The following FBN3 variants were observed in gnomAD, a reference collection of about 807,000 sequenced individuals.
The protein encoded by FBN3 is fibrillin-3.
Under a neutral mutation model 330.1 loss-of-function variants are expected in FBN3, and 234 were observed. The observed-to-expected ratio is 0.71, with a 90% CI of 0.64 to 0.79. The LOEUF is 0.79. Ranked by LOEUF, FBN3 falls within the 30% of genes least tolerant of loss-of-function variation. The pLI is 0.00. For missense variants in FBN3, 3,606 were observed against 3,886.9 expected (o/e 0.93, Z 1.92); for synonymous variants, 1,458 against 1,517.3 (o/e 0.96, Z 0.91).
intron 63 of FBN3, among the ~76,000 whole-genome samples, chr19:8,071,070 A>G (rs1448473455): frequency 4.6e-5 from 7 of 151,626 alleles, no homozygotes; most frequent in African/African-American, 7.3e-5. Context: ...CAGGGTTGTC[A>G]TAAACATTGA....
At chr19:8,107,570 T>C (rs1291504364) in intron 37 of FBN3, among the ~76,000 whole-genome samples, 1 of 144,184 alleles carries the variant, frequency 6.9e-6, no homozygotes, top group Non-Finnish European at 1.5e-5. Flanking sequence ...GATGGATGGA[T>C]GGATGGATGG....
chr19:8,134,092 A>G (rs909827901), intron 13 of FBN3, among the ~76,000 whole-genome samples: 17 of 150,582 alleles, frequency 1.1e-4, no homozygotes, highest in South Asian at 2.1e-4. Flanking sequence ...GAAAAAAAAA[A>G]TCAGCCGGGC....
Position 8,081,130 on chromosome 19 carries a change from G to T in FBN3, c.7337-11C>A. The T allele has an allele frequency of 6.2e-7, 1 of 1,608,704 alleles. No individual in the cohort carries two copies. The highest frequency in any genetic ancestry group is 8.5e-7 in the Non-Finnish European group (1 of 1,175,604). ...TGCATTCGTCCAGGTCTGCAGCACGGATGGTCCAGCAGGCTCAGGGCAGGG... is the reference window on the plus strand; with the variant it reads ...TGCATTCGTCCAGGTCTGCAGCACGTATGGTCCAGCAGGCTCAGGGCAGGG... On this transcript the variant is annotated splice_polypyrimidine_tract_variant and intron_variant, in intron 58 of 63. Transcript: ENST00000600128.
chr19:8,081,273 T>C (rs1326894276), intron 58 of FBN3, 85 bp downstream of exon 58: 1 of 1,519,870 alleles, frequency 6.6e-7, no homozygotes, highest in Non-Finnish European at 8.9e-7. Context: ...GGGGGTGAGA[T>C]TGCAGGGGAC....
rs779827993 is a variant in FBN3, at chr19:8,075,352, T to C, written c.7513A>G (p.Thr2505Ala). Residue 2505 changes from threonine (T) to alanine (A), a missense_variant, in exon 60 of 64, where the codon ACC becomes GCC. By Grantham distance (58) the Thr-to-Ala change is moderately conservative (BLOSUM62 0). Transcript: ENST00000600128. Reference protein sequence around the residue: ...PCGAHGHCHNTPGSFRCECHQ... With the variant: ...PCGAHGHCHNAPGSFRCECHQ... ...CATTCACAGCGGAAGCTGCCCGGGGTGTTGTGGCAGTGCCCGTGGGCACCA... is the reference window on the plus strand; with the variant it reads ...CATTCACAGCGGAAGCTGCCCGGGGCGTTGTGGCAGTGCCCGTGGGCACCA... 9 of 1,613,926 alleles carry C rather than the reference T, an allele frequency of 5.6e-6. No homozygotes were observed. The East Asian group carries it at 1.8e-4, about 32-fold the overall frequency.
Position 8,096,759 on chromosome 19 carries a change from A to T in FBN3, c.5413+122T>A, listed in dbSNP as rs2082217966. 3 of 1,316,616 alleles carry T rather than the reference A, an allele frequency of 2.3e-6. No individual in the cohort carries two copies. Among genetic ancestry groups the T allele is most frequent in the East Asian group, 4.6e-5 (2 of 43,166 alleles). The allele number at this position is 1,316,616 out of a possible 1,614,324, so 81.6% of individuals were successfully genotyped here. A position where few individuals can be genotyped will look rare whatever the true frequency, so the allele number is the denominator to read the frequency against. On this transcript the variant is annotated intron_variant, in intron 43 of 63. Coordinates refer to ENST00000600128, the MANE Select transcript of FBN3 (RefSeq NM_032447.5). This position sits in a 1 kb window ranked among gnomAD's most constrained non-coding sequence, Gnocchi z 4.6. ...CATCCTATTAACAGACACTCTCAAT[A>T]CATCCCCCACCCCCCTAATAGTATA... is the stretch of plus-strand genomic sequence containing the variant.
Position 8,106,202 on chromosome 19 carries a change from C to G in FBN3, c.4719G>C (p.Leu1573=). Residue 1573 remains leucine, a synonymous_variant, in exon 38 of 64, where the codon CTG becomes CTC. Transcript: ENST00000600128. ...TGTTGACGCAGTCACCCCCCTGACA[C>G]AGCCCTGGCAGCTCTTGGCACTCGT... ...DIDECQELPG[L]CQGGDCVNTF... 1 of 1,614,214 alleles carries G rather than the reference C, an allele frequency of 6.2e-7. No individual in the cohort carries two copies. The highest frequency in any genetic ancestry group is 8.5e-7 in the Non-Finnish European group (1 of 1,180,026).
Position 8,081,468 on chromosome 19 carries a change from C to A in FBN3, c.7226G>T (p.Cys2409Phe). 6.2e-7 allele frequency: 1 copy of A among 1,606,326 alleles called. No homozygotes were observed. Among genetic ancestry groups the A allele is most frequent in the Non-Finnish European group, 8.5e-7 (1 of 1,176,794 alleles). Residue 2409 changes from cysteine to phenylalanine, a missense_variant, in exon 58 of 64, where the codon TGC (cysteine) becomes TTC (phenylalanine). By Grantham distance (205) the Cys-to-Phe change is radical. Transcript: ENST00000600128. ...GGTACATGGCTTGGGGACCTGGCTG[C>A]ACTCATCCATATCTGGGGAAGGACA... is the stretch of plus-strand genomic sequence containing the variant. ...TATTCLDMDE[C>F]SQVPKPCTFL...
chr19:8,085,257 A>ACACACT, intron 56 of FBN3, 106 bp downstream of exon 56: 1 of 864,110 alleles, frequency 1.2e-6, no homozygotes, highest in Non-Finnish European at 1.8e-6. Context: ...ACACACACAC[A>ACACACT]GTGTGGCTCA....
chr19:8,090,335 G>A (rs2082067180), intron 48 of FBN3, 84 bp from the exon 49 acceptor site: 10 of 1,487,254 alleles, frequency 6.7e-6, no homozygotes, highest in Middle Eastern at 1.8e-4. Flanking sequence ...CCCCAGTCCT[G>A]GTGAATGGGT....
chr19:8,117,656 A>T, intron 26 of FBN3, 67 bp from the exon 27 acceptor site: 1 of 1,475,504 alleles, frequency 6.8e-7, no homozygotes, highest in Non-Finnish European at 9.1e-7. Flanking sequence ...CATGAGACAC[A>T]CTGGGGGCAC....
intron 51 of FBN3, among the ~76,000 whole-genome samples, chr19:8,089,241 GTGAA>G (rs892360474): frequency 6.6e-6 from 1 of 152,160 alleles, no homozygotes; most frequent in Non-Finnish European, 1.5e-5. Flanking sequence ...AAATGAGTGA[GTGAA>G]TGAGTGAATG....
In FBN3 at chr19:8,092,285, C is replaced by T. The variant is rs141895007; in HGVS notation, c.5906-695G>A. 7.1e-3 allele frequency among the ~76,000 whole-genome samples: 1,079 copies of T among 152,154 alleles called. 4 individuals carry two copies. The highest frequency in any genetic ancestry group is 0.014 in the Middle Eastern group (4 of 294). ...TAAGTCATTATATGAAAAAGACACA[C>T]GCACATGCATGTTTATAGCAACACA... On this transcript the variant is annotated intron_variant, in intron 47 of 63. Coordinates refer to ENST00000600128, the MANE Select transcript of FBN3 (RefSeq NM_032447.5).
At chr19:8,104,325 G>A (rs2082393248) in intron 38 of FBN3, among the ~76,000 whole-genome samples, 1 of 151,890 alleles carries the variant, frequency 6.6e-6, no homozygotes, top group Non-Finnish European at 1.5e-5. Flanking sequence ...TGAAAATTTA[G>A]CTGGGCATGG....
intron 18 of FBN3, among the ~76,000 whole-genome samples, chr19:8,127,576 C>T (rs373751479): frequency 6.6e-6 from 1 of 152,236 alleles, no homozygotes. Flanking sequence ...CACCAGATGC[C>T]AGTTGCAAAT....
intron 1 of FBN3, among the ~76,000 whole-genome samples, chr19:8,148,138 G>A (rs1196284699): frequency 6.6e-6 from 1 of 151,980 alleles, no homozygotes; most frequent in East Asian, 1.9e-4. Context: ...CTGTGACACA[G>A]ATACCCCCAC....
chr19:8,096,532 G>A lies in FBN3; in HGVS notation c.5451C>T (p.Ser1817=). The part of the protein sequence containing the change: ...NECREIPNVC[S]HGDCMDTEGS... ...CTTCTGTGTCCATGCAGTCACCATG[G>A]CTACAGACATTCGGGATCTCCCGAC... The change falls in exon 44 of 64, where the codon AGC becomes AGT. Residue 1817 remains serine, a synonymous_variant. Coordinates refer to ENST00000600128, the MANE Select transcript of FBN3 (RefSeq NM_032447.5). This position sits in a 1 kb window ranked among gnomAD's most constrained non-coding sequence, Gnocchi z 4.6. 1 of 1,613,812 alleles carries A rather than the reference G, an allele frequency of 6.2e-7. No homozygotes were observed. The highest frequency in any genetic ancestry group is 8.5e-7 in the Non-Finnish European group (1 of 1,179,944).
chr19:8,141,365 C>CAAA (rs56688351), intron 8 of FBN3, among the ~76,000 whole-genome samples: 1 of 78,978 alleles, frequency 1.3e-5, no homozygotes, highest in Non-Finnish European at 2.6e-5. Context: ...GACTCTGTCT[C>CAAA]AAAAAAAAAA....
chr19:8,135,936 G>GGGGGGGGGGGGGGGGGGGGCGCCCCC, intron 13 of FBN3, 25 bp downstream of exon 13: 3 of 668,776 alleles, frequency 4.5e-6, no homozygotes, highest in Non-Finnish European at 7.2e-6. Flanking sequence ...GGAAGCCCCT[G>GGGGGGGGGGGGGGGGGGGGCGCCCCC]CCCACCCGCC....
Sources: allele counts gnomAD v4.1 joint callset (sites outside exome capture counted in the v4.1 genomes callset), GRCh38; gene constraint gnomAD v4.1.1; non-coding constraint Gnocchi (gnomAD v3.1); transcripts MANE v1.5; gene names NCBI Gene and HGNC (gene_info 2026-07-23, HGNC 2026-07-21).